The following ARHGAP45 variants were observed in gnomAD, a reference collection of about 807,000 sequenced individuals.
ARHGAP45 encodes rho GTPase-activating protein 45.
ARHGAP45 carries 56 observed loss-of-function variants against 116.1 expected under a neutral mutation model. The observed-to-expected ratio is 0.48, with a 90% confidence interval of 0.39 to 0.60. The LOEUF is 0.60. Among genes scored for constraint, ARHGAP45 ranks in the 20% least tolerant of loss-of-function variants. The pLI, the probability that ARHGAP45 is intolerant of heterozygous loss-of-function variation, is 0.00. For synonymous variants in ARHGAP45, 866 were observed against 701.7 expected (o/e 1.23, Z -3.70); for missense variants, 1,622 against 1,601.0 (o/e 1.01, Z -0.22).
chr19:1,086,206 CCCTGTG>C lies in ARHGAP45; in HGVS notation c.*202_*207del. On this transcript the variant is annotated 3_prime_UTR_variant, in exon 23 of 23. Transcript: ENST00000313093. ...GAGGGCCTTGCGGCACAGGACTGTGCCCTGTGCTGTCCCCTGCACCCCGGCTCAGCT... is the reference window on the plus strand; with the variant it reads ...GAGGGCCTTGCGGCACAGGACTGTGCCTGTCCCCTGCACCCCGGCTCAGCT... 1.7e-6 allele frequency: 1 copy of C among 591,004 alleles called. No homozygotes were observed. The highest frequency in any genetic ancestry group is 3.0e-6 in the Non-Finnish European group (1 of 331,768). 36.6% of individuals were successfully genotyped at this position (591,004 alleles called of 1,614,324 possible).
intron 10 of ARHGAP45, chr19:1,077,640 C>T (rs1568466619): frequency 1.4e-6 from 2 of 1,420,768 alleles, no homozygotes; most frequent in Admixed American, 2.7e-5. Context: ...CCTGCCTCGG[C>T]CTCCCAAAGT....
chr19:1,081,375 A>G (rs1284664712), intron 17 of ARHGAP45, 175 bp from the exon 18 acceptor site: 3 of 710,758 alleles, frequency 4.2e-6, no homozygotes, highest in African/African-American at 3.6e-5. Flanking sequence ...AGAGGAGGCC[A>G]CAGGGCAGGC....
chr19:1,071,226 A>G lies in ARHGAP45; in HGVS notation c.422-1923A>G, dbSNP rs2043134331. 1 of 1,449,720 alleles carries G rather than the reference A, an allele frequency of 6.9e-7. No individual in the cohort carries two copies. The highest frequency in any genetic ancestry group is 9.1e-7 in the Non-Finnish European group (1 of 1,104,084). 89.8% of individuals were successfully genotyped at this position (1,449,720 alleles called of 1,614,324 possible). ...GCCGGAGCCGGTTTGGCCACCGGAG[A>G]CCCCCATCGGTCAGCTGCCAGGCCC... is the stretch of plus-strand genomic sequence containing the variant. On this transcript the variant is annotated intron_variant, in intron 2 of 22. Transcript: ENST00000313093. This position sits in a 1 kb window ranked among gnomAD's most constrained non-coding sequence, Gnocchi z 4.6.
upstream of ARHGAP45, chr19:1,066,362 T>G (rs1599745053): frequency 3.4e-6 from 2 of 592,022 alleles, no homozygotes; most frequent in East Asian, 2.9e-5. Flanking sequence ...CCTCAGGCTG[T>G]TATCAGCAAC....
At position 1,080,402 on chromosome 19, in the gene ARHGAP45, G is replaced by A. The variant is rs1433514710; in HGVS notation, c.1828+23G>A. 1.9e-6 allele frequency: 3 copies of A among 1,608,726 alleles called. No homozygotes were observed. The South Asian group carries it at 3.3e-5, about 18-fold the overall frequency. ...GGGGTGAGTGTCCGGCGGGGCCCAGGGGCGGACGCTGGCTCCCTGCGACCC... is the reference window on the plus strand; with the variant it reads ...GGGGTGAGTGTCCGGCGGGGCCCAGAGGCGGACGCTGGCTCCCTGCGACCC... On this transcript the variant is annotated intron_variant, in intron 14 of 22. Coordinates refer to ENST00000313093, the MANE Select transcript of ARHGAP45 (RefSeq NM_012292.5).
intron 11 of ARHGAP45, 45 bp from the exon 12 acceptor site, chr19:1,079,658 A>C (rs2043367991): frequency 6.2e-7 from 1 of 1,605,158 alleles, no homozygotes; most frequent in Admixed American, 1.7e-5. Context: ...TGAGTCCTGC[A>C]CCCCGGGCTG....
At chr19:1,079,863 C>G (rs377099964) in intron 12 of ARHGAP45, 23 bp downstream of exon 12, 1 of 1,595,112 alleles carries the variant, frequency 6.3e-7, no homozygotes, top group African/African-American at 1.3e-5. Flanking sequence ...CTCCGGCCGC[C>G]CGGGCGGGGA....
Position 1,067,353 on chromosome 19 carries a change from G to A in ARHGAP45, c.-53G>A. 1 of 1,503,320 alleles carries A rather than the reference G, an allele frequency of 6.7e-7. No individual in the cohort carries two copies. Among genetic ancestry groups the A allele is most frequent in the Non-Finnish European group, 8.9e-7 (1 of 1,128,914 alleles). 93.1% of individuals were successfully genotyped at this position (1,503,320 alleles called of 1,614,324 possible). The stretch of plus-strand genomic sequence containing the variant: ...CCCGAAGCGGCCAGCGCCGGGAGCT[G>A]CAGCGCTGAGACCCCCAGCCCGCCC... On this transcript the variant is annotated 5_prime_UTR_variant, in exon 1 of 23. Transcript: ENST00000313093.
In ARHGAP45 at chr19:1,067,465, C is replaced by A; in HGVS notation, c.60C>A (p.Arg20=). 1 of 1,605,660 alleles carries A rather than the reference C, an allele frequency of 6.2e-7. No homozygotes were observed. Among genetic ancestry groups the A allele is most frequent in the Non-Finnish European group, 8.5e-7 (1 of 1,176,910 alleles). ...CCCCTTCCATCTCGAAAAAGAACCG[C>A]GCGGGAAGCCCCAGCCCGCAGCCCT... The part of the protein sequence containing the change: ...MKTPSISKKN[R]AGSPSPQPSG... Residue 20 remains arginine (R), a synonymous_variant, in exon 1 of 23, where the codon CGC becomes CGA. Transcript: ENST00000313093.
rs1568464614 is a variant in ARHGAP45 at position 1,076,481 on chromosome 19, G to GTTTTTTTT, written c.1186-1375_1186-1374insTTTTTTTT. Among the ~76,000 whole-genome samples the GTTTTTTTT allele has an allele frequency of 6.6e-4, 69 of 104,166 alleles. 4 individuals are homozygous for GTTTTTTTT. The highest frequency in any genetic ancestry group is 2.6e-3 in the African/African-American group (66 of 25,338). The allele number at this position is 104,166 out of a possible 152,430, so 68.3% of individuals were successfully genotyped here. ...TAGAAACCTGTGATTGTTGGCAGTA[G>GTTTTTTTT]TCTTTTTTTTTTTTTTTTTTTTTTT... On this transcript the variant is annotated intron_variant, in intron 10 of 22. Coordinates refer to ENST00000313093, the MANE Select transcript of ARHGAP45 (RefSeq NM_012292.5).
At position 1,086,057 on chromosome 19, in the gene ARHGAP45, C is replaced by T. The variant is rs532875899; in HGVS notation, c.*51C>T. 68 of 1,477,828 alleles carry T rather than the reference C, an allele frequency of 4.6e-5. No individual in the cohort carries two copies. The highest frequency in any genetic ancestry group is 3.6e-4 in the Middle Eastern group (2 of 5,536). The allele number at this position is 1,477,828 out of a possible 1,614,324, so 91.5% of individuals were successfully genotyped here. On this transcript the variant is annotated 3_prime_UTR_variant, in exon 23 of 23. Transcript: ENST00000313093. ...TGGCTTCTCTCTTGCCTGCTCCTGT[C>T]CCTCCAGCACGTCCCCTGCACCACG...
At position 1,080,056 on chromosome 19, in the gene ARHGAP45, G is replaced by C. The variant is rs1296258591; in HGVS notation, c.1641G>C (p.Leu547=). ...AGTACGCCTCCCACGTGCGCCAGCT[G>C]CAGCGGGACCAGGAGCCCGATGTGC... ...GQQYASHVRQ[L]QRDQEPDVHY... The change falls in exon 13 of 23, where the codon CTG becomes CTC. Residue 547 remains leucine, a synonymous_variant. Coordinates refer to ENST00000313093, the MANE Select transcript of ARHGAP45 (RefSeq NM_012292.5). 1.9e-6 allele frequency: 3 copies of C among 1,612,740 alleles called. No individual in the cohort carries two copies. In the East Asian group the frequency reaches 6.7e-5, roughly 36 times the overall value.
intron 17 of ARHGAP45, 134 bp downstream of exon 17, chr19:1,081,198 A>C: frequency 6.2e-5 from 63 of 1,012,346 alleles, no homozygotes; most frequent in Non-Finnish European, 7.3e-5. Flanking sequence ...AAGGAAGCGA[A>C]CGGAGGGGGT....
Position 1,073,146 on chromosome 19 carries a change from C to A in ARHGAP45, c.422-3C>A, listed in dbSNP as rs774472322. The A allele has an allele frequency of 5.0e-6, 8 of 1,604,032 alleles. No individual in the cohort carries two copies. In the Admixed American group the frequency reaches 1.2e-4, roughly 23 times the overall value. On this transcript the variant is annotated splice_region_variant and splice_polypyrimidine_tract_variant and intron_variant, in intron 2 of 22. Coordinates refer to ENST00000313093, the MANE Select transcript of ARHGAP45 (RefSeq NM_012292.5). ...CACTGCTCACTCCGACTCTCCCCAG[C>A]AGACCTCCTTGAGGCCCGCCGCCCG...
At chr19:1,077,254 A>T in intron 10 of ARHGAP45, 1 of 985,348 alleles carries the variant, frequency 1.0e-6, no homozygotes, top group Non-Finnish European at 1.2e-6. Flanking sequence ...GCGTGTCTGC[A>T]GAGGCTGCCG....
In ARHGAP45 at chr19:1,073,984, A is replaced by G; in HGVS notation, c.760A>G (p.Thr254Ala). 1 of 1,591,952 alleles carries G rather than the reference A, an allele frequency of 6.3e-7. No individual in the cohort carries two copies. The highest frequency in any genetic ancestry group is 1.3e-5 in the African/African-American group (1 of 74,350). Residue 254 changes from threonine (T) to alanine (A), a missense_variant, in exon 6 of 23, where the codon ACG becomes GCG. Physicochemically the swap from Thr to Ala is moderately conservative, Grantham distance 58 (BLOSUM62 0). This residue lies in a region of ARHGAP45 where 1,334 missense variants were observed against 1,263.8 expected (regional missense o/e 1.06). Coordinates refer to ENST00000313093, the MANE Select transcript of ARHGAP45 (RefSeq NM_012292.5). ...CCTGTATGGACCGGGCAGTGAGGGC[A>G]CGCCTCCCAGCCTGGAAGACTGTGA... ...ESLYGPGSEG[T>A]PPSLEDCDAG...
At position 1,085,832 on chromosome 19, in the gene ARHGAP45, G is replaced by A. The variant is rs771424256; in HGVS notation, c.3237G>A (p.Glu1079=). 4.3e-6 allele frequency: 7 copies of A among 1,612,784 alleles called. No individual in the cohort carries two copies. In the Admixed American group the frequency reaches 6.7e-5, roughly 15 times the overall value. ...ACAGCGGCAGTGAGGAGCAGCTGGA[G>A]GCCACAGCCCGGGAGGACGGGGACG... is the stretch of plus-strand genomic sequence containing the variant. The part of the protein sequence containing the change: ...GSHSGSEEQL[E]ATAREDGDGD... The change falls in exon 23 of 23, where the codon GAG becomes GAA. Residue 1079 remains glutamate, a synonymous_variant. Transcript: ENST00000313093.
rs748360399 is a variant in ARHGAP45 at position 1,074,382 on chromosome 19, A to T, written c.968A>T (p.Asn323Ile). 11 of 1,592,410 alleles carry T rather than the reference A, an allele frequency of 6.9e-6. No homozygotes were observed. Among genetic ancestry groups the T allele is most frequent in the African/African-American group, 1.3e-5 (1 of 74,464 alleles). ...AAGGGCCTGCAGAAGATCGCTCACAACTGCAGACAGAGCGTCATGCAGGAG... is the reference window on the plus strand; with the variant it reads ...AAGGGCCTGCAGAAGATCGCTCACATCTGCAGACAGAGCGTCATGCAGGAG... ...FAKGLQKIAH[N>I]CRQSVMQEPH... The change falls in exon 8 of 23, where the codon AAC becomes ATC. Residue 323 changes from asparagine (N) to isoleucine (I), a missense_variant. Around this residue, in one of 3 missense-constraint regions of ARHGAP45, gnomAD observed 1,334 missense variants for 1,263.8 expected, o/e 1.06. Transcript: ENST00000313093.
chr19:1,066,222 G>A (rs1244112545), upstream of ARHGAP45: 9 of 1,431,988 alleles, frequency 6.3e-6, no homozygotes, highest in Admixed American at 4.1e-5. Flanking sequence ...TTGGGGGTGG[G>A]GTTCTGGAAG....
Sources: gnomAD v4.1 joint callset for allele counts (sites outside exome capture counted in the v4.1 genomes callset) on GRCh38, gnomAD v4.1.1 for gene constraint, gnomAD v4.1.1 regional missense constraint, Gnocchi (gnomAD v3.1) non-coding constraint, MANE v1.5 for transcripts, NCBI Gene and HGNC (gene_info 2026-07-23, HGNC 2026-07-21) for gene names.